The following ANKRD45 variants were observed in gnomAD, a reference collection of about 807,000 sequenced individuals.
The protein encoded by ANKRD45 is ankyrin repeat domain-containing protein 45.
Under a neutral mutation model 28.1 loss-of-function variants are expected in ANKRD45, and 21 were observed. The ratio of observed to expected loss-of-function variants is 0.75; its 90% CI spans 0.53 to 1.08. The LOEUF is 1.08. Among genes scored for constraint, ANKRD45 ranks in the 50% least tolerant of loss-of-function variants. The pLI is 0.00. For synonymous variants in ANKRD45, 86 were observed against 103.9 expected (o/e 0.83, Z 1.05); for missense variants, 261 against 308.7 (o/e 0.85, Z 1.16).
the ANKRD45 span, among the ~76,000 whole-genome samples, chr1:173,677,108 T>C: frequency 4.6e-5 from 7 of 151,868 alleles, no homozygotes; most frequent in African/African-American, 1.4e-4. Context: ...TTAAAACACT[T>C]GATATTACAA....
chr1:173,682,125 A>G, the ANKRD45 span, among the ~76,000 whole-genome samples: 3 of 152,002 alleles, frequency 2.0e-5, no homozygotes, highest in Admixed American at 6.6e-5. Context: ...TAAGGAGACC[A>G]ATTTTATTTA....
chr1:173,676,471 G>C, the ANKRD45 span, among the ~76,000 whole-genome samples: 5 of 151,978 alleles, frequency 3.3e-5, no homozygotes, highest in Admixed American at 2.6e-4. Flanking sequence ...TAGTCCCTGC[G>C]GTTAATTCCT....
At chr1:173,646,441 C>A (rs1018198639) in intron 3 of ANKRD45, among the ~76,000 whole-genome samples, 3 of 152,194 alleles carry the variant, frequency 2.0e-5, no homozygotes, top group Non-Finnish European at 1.5e-5. Context: ...ATTATTGTTA[C>A]AACCTTTTAT....
chr1:173,677,289 T>C, the ANKRD45 span, among the ~76,000 whole-genome samples: 11 of 152,076 alleles, frequency 7.2e-5, no homozygotes, highest in African/African-American at 2.7e-4. Context: ...TTTTTCAAAT[T>C]TTTATAAATA....
At chr1:173,670,941 C>T (rs772427741), upstream of ANKRD45, among the ~76,000 whole-genome samples, 2 of 152,152 alleles carry the variant, frequency 1.3e-5, no homozygotes, top group African/African-American at 2.4e-5. Flanking sequence ...CTTGCAAGAT[C>T]GGGTGTCTGG....
At chr1:173,612,374 C>G (rs1257567195) in intron 5 of ANKRD45, among the ~76,000 whole-genome samples, 2 of 129,816 alleles carry the variant, frequency 1.5e-5, no homozygotes, top group African/African-American at 5.9e-5. Context: ...AGTTTCTTCC[C>G]TTTAATGACC....
intron 2 of ANKRD45, among the ~76,000 whole-genome samples, chr1:173,651,676 C>T (rs1669229318): frequency 6.6e-6 from 1 of 151,988 alleles, no homozygotes; most frequent in African/African-American, 2.4e-5. Flanking sequence ...ATCTATAAAT[C>T]ACCTTGAGCA....
intron 5 of ANKRD45, chr1:173,612,719 T>A (rs1667223255): frequency 6.3e-6 from 1 of 158,186 alleles, no homozygotes; most frequent in Non-Finnish European, 1.4e-5. Flanking sequence ...GCCTGCCGAG[T>A]GCCTGCAATT....
chr1:173,650,484 C>T (rs61826764), intron 2 of ANKRD45, among the ~76,000 whole-genome samples: 1 of 152,134 alleles, frequency 6.6e-6, no homozygotes, highest in Non-Finnish European at 1.5e-5. Flanking sequence ...GCCACATTTT[C>T]ATAATCCAGT....
the ANKRD45 span, among the ~76,000 whole-genome samples, chr1:173,699,220 C>T: frequency 5.3e-5 from 8 of 152,160 alleles, no homozygotes; most frequent in African/African-American, 1.9e-4. Context: ...CACATGGATT[C>T]ACAGCTGAAT....
At chr1:173,635,963 A>G in intron 3 of ANKRD45, 1 of 739,784 alleles carries the variant, frequency 1.4e-6, no homozygotes, top group Non-Finnish European at 2.1e-6. Flanking sequence ...CCTTCCCCCA[A>G]CTTCCCATTC....
the ANKRD45 span, among the ~76,000 whole-genome samples, chr1:173,688,699 CTCTTTCTGCCTCTTTCCTCTCTCTCTT>C: frequency 8.0e-6 from 1 of 124,694 alleles, no homozygotes; most frequent in Non-Finnish European, 1.6e-5. Flanking sequence ...TTTCCTCTCT[CTCTTTCTGCCTCTTTCCTCTCTCTCTT>C]TCTGCCTCTT....
chr1:173,667,658 A>T, intron 1 of ANKRD45: 1 of 384,354 alleles, frequency 2.6e-6, no homozygotes, highest in Non-Finnish European at 5.0e-6. Context: ...GTGAGCTAAG[A>T]TCACCCCACT....
the ANKRD45 span, among the ~76,000 whole-genome samples, chr1:173,705,666 T>TA: frequency 4.0e-5 from 6 of 151,726 alleles, no homozygotes; most frequent in East Asian, 5.8e-4. Flanking sequence ...GACTCTGTGT[T>TA]AAAAAAAATT....
chr1:173,645,201 ATC>A (rs1179858117), intron 3 of ANKRD45, among the ~76,000 whole-genome samples: 1 of 152,204 alleles, frequency 6.6e-6, no homozygotes, highest in Non-Finnish European at 1.5e-5. Flanking sequence ...AGCACAACTC[ATC>A]TCTTTCTTCC....
chr1:173,628,294 C>T (rs1027559322), intron 3 of ANKRD45, among the ~76,000 whole-genome samples: 1 of 152,006 alleles, frequency 6.6e-6, no homozygotes, highest in Admixed American at 6.5e-5. Context: ...TGGGTACCAG[C>T]TCAGCCACAG....
intron 5 of ANKRD45, among the ~76,000 whole-genome samples, chr1:173,611,248 G>A (rs1407653937): frequency 6.6e-6 from 1 of 152,060 alleles, no homozygotes; most frequent in Non-Finnish European, 1.5e-5. Flanking sequence ...ATCCTCTCAG[G>A]AAACTCTTCT....
intron 1 of ANKRD45, among the ~76,000 whole-genome samples, 193 bp downstream of exon 1, chr1:173,669,624 C>T (rs1011027198): frequency 6.6e-6 from 1 of 152,158 alleles, no homozygotes; most frequent in Non-Finnish European, 1.5e-5. Flanking sequence ...CTTCTGCGAT[C>T]CCTTGCGGCT....
chr1:173,693,916 G>C, the ANKRD45 span, among the ~76,000 whole-genome samples: 1 of 152,200 alleles, frequency 6.6e-6, no homozygotes, highest in Non-Finnish European at 1.5e-5. Flanking sequence ...TACTGGAAGA[G>C]CAATCTGGCT....
Sources: allele counts gnomAD v4.1 joint callset (sites outside exome capture counted in the v4.1 genomes callset), GRCh38; gene constraint gnomAD v4.1.1; transcripts MANE v1.5; gene names NCBI Gene and HGNC (gene_info 2026-07-23, HGNC 2026-07-21).